The following ABCC1 variants were observed in gnomAD, a reference collection of about 807,000 sequenced individuals.
The protein encoded by ABCC1 is multidrug resistance-associated protein 1.
Under a neutral mutation model 172.9 loss-of-function variants are expected in ABCC1, and 83 were observed. The observed-to-expected ratio is 0.48, with a 90% CI of 0.40 to 0.58. The LOEUF (loss-of-function observed/expected upper bound fraction) is 0.58. ABCC1 is among the 20% of genes least tolerant of loss of function. The probability of loss-of-function intolerance (pLI) is 0.00; values close to 1 mark genes in which losing one functional copy is unlikely to be tolerated. For missense variants in ABCC1, 1,817 were observed against 2,002.7 expected, an observed-to-expected ratio of 0.91 and a Z score of 1.77; for synonymous variants, 937 against 825.2, an observed-to-expected ratio of 1.14 and a Z score of -2.32.
chr16:16,122,203 T>G, intron 24 of ABCC1, 29 bp downstream of exon 24: 2 of 1,612,042 alleles, frequency 1.2e-6, no homozygotes, highest in Non-Finnish European at 8.5e-7. Context: ...CAGGAGCGGG[T>G]GGAGGAGGCC....
chr16:16,097,258 G>A (rs1489802960), intron 19 of ABCC1, among the ~76,000 whole-genome samples: 1 of 152,162 alleles, frequency 6.6e-6, no homozygotes, highest in Admixed American at 6.5e-5. Flanking sequence ...GATTACGGAT[G>A]CCTGCCACCA....
intron 1 of ABCC1, among the ~76,000 whole-genome samples, chr16:16,006,003 A>T (rs931030378): frequency 9.9e-5 from 15 of 151,808 alleles, no homozygotes; most frequent in African/African-American, 2.7e-4. Context: ...AGAAAAAAAA[A>T]AATAAAAATA....
chr16:16,077,893 C>T (rs1596468437), intron 15 of ABCC1, among the ~76,000 whole-genome samples: 3 of 152,250 alleles, frequency 2.0e-5, no homozygotes, highest in Admixed American at 2.0e-4. Context: ...CATGGTGGTG[C>T]ATGCCTGTAA....
intron 5 of ABCC1, among the ~76,000 whole-genome samples, chr16:16,025,922 G>C (rs2048353250): frequency 6.6e-6 from 1 of 152,190 alleles, no homozygotes; most frequent in Admixed American, 6.5e-5. Context: ...CTGTATTTCA[G>C]TGTCTGAGGC....
intron 1 of ABCC1, among the ~76,000 whole-genome samples, chr16:16,003,699 G>C (rs536084293): frequency 7.4e-6 from 1 of 134,834 alleles, no homozygotes; most frequent in Non-Finnish European, 1.7e-5. Flanking sequence ...TGAATGAATT[G>C]GTAGGTGGGT....
chr16:16,012,505 A>G (rs1394760631), intron 3 of ABCC1, among the ~76,000 whole-genome samples: 3 of 136,494 alleles, frequency 2.2e-5, no homozygotes, highest in Non-Finnish European at 4.8e-5. Context: ...TTTTTTTTCA[A>G]TTTCACTATA....
At position 16,045,995 on chromosome 16, in the gene ABCC1, T is replaced by A. The variant is rs148482977; in HGVS notation, c.1200T>A (p.Ile400=). The A allele has an allele frequency of 3.7e-6, 6 of 1,614,132 alleles. No homozygotes were observed. Among genetic ancestry groups the A allele is most frequent in the Non-Finnish European group, 5.1e-6 (6 of 1,180,026 alleles). ...GCATGAGGATCAAGACCGCTGTCAT[T>A]GGGGCTGTCTATCGGAAGGTAGGGG... The part of the protein sequence containing the change: ...VSGMRIKTAV[I]GAVYRKALVI... The change falls in exon 9 of 31, where the codon ATT becomes ATA. Residue 400 remains isoleucine, a synonymous_variant. Coordinates refer to ENST00000399410, the MANE Select transcript of ABCC1 (RefSeq NM_004996.4).
chr16:16,125,884 C>G lies in ABCC1; in HGVS notation c.3792C>G (p.Leu1264=). 6.2e-7 allele frequency: 1 copy of G among 1,614,050 alleles called. No individual in the cohort carries two copies. Among genetic ancestry groups the G allele is most frequent in the East Asian group, 2.2e-5 (1 of 44,880 alleles). Residue 1264 remains leucine, a synonymous_variant, in exon 26 of 31, where the codon CTC becomes CTG. Transcript: ENST00000399410. The stretch of plus-strand genomic sequence containing the variant: ...CCAACATCGTGGCCGTGGAGAGGCT[C>G]AAGGAGTATTCAGAGACTGAGAAGG... ...METNIVAVER[L]KEYSETEKEA... is the part of the protein sequence containing the mutation.
chr16:16,052,638 C>T lies in ABCC1; in HGVS notation c.1381-86C>T, dbSNP rs920904406. The T allele has an allele frequency of 2.3e-5, 30 of 1,317,974 alleles. No homozygotes were observed. The South Asian group carries it at 2.4e-4, about 11-fold the overall frequency. 81.6% of individuals were successfully genotyped at this position (1,317,974 alleles called of 1,614,324 possible). A position where few individuals can be genotyped will look rare whatever the true frequency, so the allele number is the denominator to read the frequency against. ...CCCTGAACTTGGTCAGCAGCATCCA[C>T]GTGGGATGGATCAACCGGGGAAGCT... On this transcript the variant is annotated intron_variant, in intron 10 of 30. Transcript: ENST00000399410.
chr16:16,098,765 C>G, intron 19 of ABCC1: 1 of 1,040,660 alleles, frequency 9.6e-7, no homozygotes, highest in Non-Finnish European at 1.4e-6. Flanking sequence ...ATTCTTGCCT[C>G]TCCCCCTTTA....
Position 16,114,823 on chromosome 16 carries a change from G to T in ABCC1, c.3137G>T (p.Arg1046Leu). Residue 1046 changes from arginine to leucine, a missense_variant, in exon 23 of 31, where the codon CGC (arginine) becomes CTC (leucine). This residue lies in a region of ABCC1 where 1,412 missense variants were observed against 1,600.3 expected (regional missense o/e 0.88). Transcript: ENST00000399410. ...AVSIGGILAS[R>L]CLHVDLLHSI... is the part of the protein sequence containing the mutation. Reference sequence around the variant, plus strand: ...TCCATCGGGGGGATCTTGGCTTCCCGCTGTCTGCACGTGGACCTGCTGCAC... The same window carrying T: ...TCCATCGGGGGGATCTTGGCTTCCCTCTGTCTGCACGTGGACCTGCTGCAC... 1 of 1,609,812 alleles carries T rather than the reference G, an allele frequency of 6.2e-7. No homozygotes were observed. The highest frequency in any genetic ancestry group is 8.5e-7 in the Non-Finnish European group (1 of 1,176,424).
intron 1 of ABCC1, among the ~76,000 whole-genome samples, chr16:15,966,681 C>T (rs1268612284): frequency 1.4e-5 from 2 of 146,436 alleles, no homozygotes; most frequent in African/African-American, 2.5e-5. Context: ...GACAGAGACT[C>T]ACTCTGTTGC....
At chr16:16,121,699 A>G (rs1023125696) in intron 23 of ABCC1, among the ~76,000 whole-genome samples, 1 of 152,154 alleles carries the variant, frequency 6.6e-6, no homozygotes, top group Non-Finnish European at 1.5e-5. Context: ...TTTTGTGAGG[A>G]TTGAATGAAC....
chr16:16,063,089 T>C (rs559862116), intron 12 of ABCC1, among the ~76,000 whole-genome samples: 1 of 152,164 alleles, frequency 6.6e-6, no homozygotes, highest in Non-Finnish European at 1.5e-5. Context: ...CCATGTCATT[T>C]TATTTATTTA....
intron 7 of ABCC1, 69 bp from the exon 8 acceptor site, chr16:16,044,381 C>A: frequency 7.4e-7 from 1 of 1,351,326 alleles, no homozygotes; most frequent in Non-Finnish European, 1.0e-6. Context: ...CATTCCCTGG[C>A]CATGTCCCTG....
intron 12 of ABCC1, among the ~76,000 whole-genome samples, chr16:16,062,161 C>G (rs907549659): frequency 6.6e-6 from 1 of 152,134 alleles, no homozygotes; most frequent in Non-Finnish European, 1.5e-5. Flanking sequence ...CCTTGTGTCC[C>G]GCTTAGGAGG....
rs569222172 is a variant in ABCC1 at position 16,136,310 on chromosome 16, C to T, written c.4126-168C>T. 5.9e-5 allele frequency among the ~76,000 whole-genome samples: 9 copies of T among 152,266 alleles called. No homozygotes were observed. The East Asian group carries it at 1.5e-3, about 26-fold the overall frequency. ...AAGTGCTGGGATTACAGGCGTGAACCACCGTACCTGGCCTTTTTCTCCATT... is the reference window on the plus strand; with the variant it reads ...AAGTGCTGGGATTACAGGCGTGAACTACCGTACCTGGCCTTTTTCTCCATT... On this transcript the variant is annotated intron_variant, in intron 28 of 30. Coordinates refer to ENST00000399410, the MANE Select transcript of ABCC1 (RefSeq NM_004996.4).
chr16:15,978,820 G>A (rs1196056129), intron 1 of ABCC1, among the ~76,000 whole-genome samples: 1 of 152,098 alleles, frequency 6.6e-6, no homozygotes, highest in Admixed American at 6.6e-5. Context: ...TGTTGTCACA[G>A]TTTGGGATGG....
chr16:15,959,790 G>A (rs2151495277), intron 1 of ABCC1, among the ~76,000 whole-genome samples: 1 of 152,324 alleles, frequency 6.6e-6, no homozygotes, highest in East Asian at 1.9e-4. Context: ...GAAAGTGGGT[G>A]TTAATGACCA....
Sources: gnomAD v4.1 joint callset for allele counts (sites outside exome capture counted in the v4.1 genomes callset) on GRCh38, gnomAD v4.1.1 for gene constraint, gnomAD v4.1.1 regional missense constraint, MANE v1.5 for transcripts, NCBI Gene and HGNC (gene_info 2026-07-23, HGNC 2026-07-21) for gene names.